The following IFT46 variants were observed in gnomAD, a reference collection of about 807,000 sequenced individuals.
IFT46 encodes the protein intraflagellar transport 46, also known as intraflagellar transport protein 46 homolog.
Under a neutral mutation model 39.6 loss-of-function variants are expected in IFT46, and 19 were observed. The observed-to-expected ratio is 0.48, with a 90% CI of 0.33 to 0.70. The LOEUF is 0.70. IFT46 is among the 30% of genes least tolerant of loss of function. IFT46 has a pLI of 0.01. For synonymous variants in IFT46, 117 were observed against 134.8 expected, an observed-to-expected ratio of 0.87 and a Z score of 0.91; for missense variants, 334 against 364.8, an observed-to-expected ratio of 0.92 and a Z score of 0.69.
upstream of IFT46, among the ~76,000 whole-genome samples, chr11:118,570,757 C>T (rs1355876784): frequency 6.6e-6 from 1 of 152,144 alleles, no homozygotes; most frequent in Non-Finnish European, 1.5e-5. Context: ...AACTTTTCAC[C>T]ATTTTCTTCA....
chr11:118,549,941 T>G (rs1565345308), intron 9 of IFT46, among the ~76,000 whole-genome samples: 1 of 150,934 alleles, frequency 6.6e-6, no homozygotes, highest in African/African-American at 2.4e-5. Context: ...TTTTTTTTTT[T>G]GAGATGGAGT....
upstream of IFT46, among the ~76,000 whole-genome samples, chr11:118,570,592 G>A (rs1938317164): frequency 6.6e-6 from 1 of 152,190 alleles, no homozygotes; most frequent in South Asian, 2.1e-4. Context: ...AGCTAAGGAT[G>A]TAGGATAAAA....
intron 1 of IFT46, chr11:118,572,311 A>T (rs1215816166): frequency 7.9e-6 from 4 of 505,738 alleles, no homozygotes; most frequent in East Asian, 3.1e-5. Flanking sequence ...TCGTAACCGG[A>T]GCGGGGTACC....
At chr11:118,561,677 C>A (rs1182062790) in intron 2 of IFT46, 1 of 302,524 alleles carries the variant, frequency 3.3e-6, no homozygotes, top group Non-Finnish European at 6.3e-6. Flanking sequence ...AGTATTCCCA[C>A]CTCTAAATGG....
chr11:118,567,881 C>T (rs548797954), upstream of IFT46, among the ~76,000 whole-genome samples: 1 of 152,272 alleles, frequency 6.6e-6, no homozygotes, highest in South Asian at 2.1e-4. Flanking sequence ...TGCCAATCTA[C>T]AGATTAAGTA....
chr11:118,563,454 C>A (rs1555070902), intron 2 of IFT46, among the ~76,000 whole-genome samples: 1 of 152,176 alleles, frequency 6.6e-6, no homozygotes, highest in Non-Finnish European at 1.5e-5. Flanking sequence ...CCACAATAAA[C>A]AAACAGAAAC....
intron 9 of IFT46, among the ~76,000 whole-genome samples, chr11:118,549,058 A>G (rs1043247395): frequency 6.6e-6 from 1 of 151,540 alleles, no homozygotes. Flanking sequence ...CACAACACCC[A>G]GCTATTTTTT....
intron 2 of IFT46, chr11:118,561,120 A>G: frequency 6.7e-7 from 1 of 1,485,582 alleles, no homozygotes; most frequent in South Asian, 1.1e-5. Context: ...TTTACCTGCT[A>G]TTTGGATACA....
In IFT46 at chr11:118,544,821, A is replaced by G; in HGVS notation, c.*95T>C. On this transcript the variant is annotated 3_prime_UTR_variant, in exon 12 of 12. Coordinates refer to ENST00000264021, the MANE Select transcript of IFT46 (RefSeq NM_001168618.2). The stretch of plus-strand genomic sequence containing the variant: ...CACTGCCCCTGAGCCAAGCTGTGGC[A>G]TGGGCAAGGACATCAAGTAGCTGAC... 1 of 860,690 alleles carries G rather than the reference A, an allele frequency of 1.2e-6. No individual in the cohort carries two copies. Among genetic ancestry groups the G allele is most frequent in the South Asian group, 1.5e-5 (1 of 68,784 alleles). 53.3% of individuals were successfully genotyped at this position (860,690 alleles called of 1,614,324 possible). A position where few individuals can be genotyped will look rare whatever the true frequency, so the allele number is the denominator to read the frequency against.
chr11:118,545,586 G>A (rs1951660290), intron 10 of IFT46, 92 bp from the exon 11 acceptor site: 1 of 1,188,336 alleles, frequency 8.4e-7, no homozygotes, highest in Non-Finnish European at 1.2e-6. Flanking sequence ...CCTGGCAGAT[G>A]GGGTGTCGCT....
chr11:118,574,855 C>A (rs1287004847), upstream of IFT46, among the ~76,000 whole-genome samples: 4 of 152,086 alleles, frequency 2.6e-5, no homozygotes, highest in African/African-American at 7.2e-5. Context: ...CGGCCTAGAA[C>A]TCCTAGCCTC....
At chr11:118,557,273 G>A (rs1277138253) in intron 3 of IFT46, 13 of 437,096 alleles carry the variant, frequency 3.0e-5, no homozygotes, top group Non-Finnish European at 4.0e-5. Flanking sequence ...ACTTGAGGCT[G>A]GGGTATAAAT....
At chr11:118,563,186 C>G (rs1400149397) in intron 2 of IFT46, among the ~76,000 whole-genome samples, 2 of 149,900 alleles carry the variant, frequency 1.3e-5, no homozygotes, top group African/African-American at 5.1e-5. Flanking sequence ...AAGTCAGCCA[C>G]AAAAGGATAA....
At chr11:118,567,079 A>T (rs1938242123), upstream of IFT46, among the ~76,000 whole-genome samples, 1 of 151,982 alleles carries the variant, frequency 6.6e-6, no homozygotes, top group Non-Finnish European at 1.5e-5. Flanking sequence ...CCACTCTATT[A>T]AAAATAAAAA....
upstream of IFT46, among the ~76,000 whole-genome samples, chr11:118,570,652 T>C (rs1938318499): frequency 6.6e-6 from 1 of 152,164 alleles, no homozygotes; most frequent in Admixed American, 6.5e-5. Flanking sequence ...AAATCTGAAA[T>C]TTGGCATACA....
chr11:118,555,622 TAGA>T (rs1937804404), intron 4 of IFT46: 1 of 277,966 alleles, frequency 3.6e-6, no homozygotes, highest in Non-Finnish European at 6.9e-6. Flanking sequence ...CAAGAAAAGG[TAGA>T]ACAAGAGATT....
intron 2 of IFT46, among the ~76,000 whole-genome samples, chr11:118,562,324 C>T (rs1281833677): frequency 6.6e-6 from 1 of 151,918 alleles, no homozygotes; most frequent in East Asian, 1.9e-4. Context: ...CTGGTAGTCC[C>T]AGCTACCGGG....
chr11:118,574,881 C>T (rs1480715171), upstream of IFT46, among the ~76,000 whole-genome samples: 7 of 152,160 alleles, frequency 4.6e-5, no homozygotes, highest in African/African-American at 1.7e-4. Flanking sequence ...ATCCTCCCGC[C>T]TCCATATCCC....
At chr11:118,557,090 T>G in intron 3 of IFT46, 45 bp from the exon 4 acceptor site, 1 of 1,508,052 alleles carries the variant, frequency 6.6e-7, no homozygotes, top group Non-Finnish European at 8.9e-7. Context: ...AGTAAAAAAA[T>G]CAAATGTACC....
Sources: allele counts gnomAD v4.1 joint callset (sites outside exome capture counted in the v4.1 genomes callset), GRCh38; gene constraint gnomAD v4.1.1; transcripts MANE v1.5; gene names NCBI Gene and HGNC (gene_info 2026-07-23, HGNC 2026-07-21).